The following KLHL1 variants were observed in gnomAD, a reference collection of about 807,000 sequenced individuals.
KLHL1 encodes the protein kelch like family member 1, also known as kelch-like protein 1.
A neutral mutation model predicts 77.7 loss-of-function variants in KLHL1; 47 were observed. The observed-to-expected ratio is 0.60, with a 90% CI of 0.48 to 0.77. KLHL1 has a LOEUF of 0.77. KLHL1 is among the 30% of genes least tolerant of loss of function. The pLI is 0.00. For synonymous variants in KLHL1, 360 were observed against 325.2 expected, an observed-to-expected ratio of 1.11 and a Z score of -1.15; for missense variants, 925 against 910.8, an observed-to-expected ratio of 1.02 and a Z score of -0.20.
intron 4 of KLHL1, among the ~76,000 whole-genome samples, chr13:69,934,731 C>T (rs1014795948): frequency 3.3e-5 from 5 of 150,672 alleles, no homozygotes; most frequent in Non-Finnish European, 7.4e-5. Flanking sequence ...ATCCCATCTA[C>T]CTTGAATTTC....
intron 5 of KLHL1, among the ~76,000 whole-genome samples, chr13:69,871,578 T>G (rs1475873442): frequency 6.6e-6 from 1 of 152,160 alleles, no homozygotes; most frequent in African/African-American, 2.4e-5. Flanking sequence ...ATTCCTTGGC[T>G]GCTGATATGA....
At chr13:69,786,497 G>A (rs2138017080) in intron 7 of KLHL1, among the ~76,000 whole-genome samples, 1 of 152,152 alleles carries the variant, frequency 6.6e-6, no homozygotes, top group African/African-American at 2.4e-5. Context: ...GGTATTGATG[G>A]GACATATCTC....
chr13:69,751,421 A>T (rs1224187640), intron 7 of KLHL1, among the ~76,000 whole-genome samples: 1 of 152,040 alleles, frequency 6.6e-6, no homozygotes, highest in Non-Finnish European at 1.5e-5. Context: ...TGTCCATGTG[A>T]CAAAAAAAAT....
rs141412100 is a variant in KLHL1, at chr13:69,765,773, A to C, written c.1640-25217T>G. ...ATGGATAGAATTGAAGCAACCACCC[A>C]GGCAATGCTACCCTCCGATCTGTTG... On this transcript the variant is annotated intron_variant, in intron 7 of 10. Coordinates refer to ENST00000377844, the MANE Select transcript of KLHL1 (RefSeq NM_020866.3). Among the ~76,000 whole-genome samples the C allele has an allele frequency of 6.3e-4, 96 of 152,324 alleles. No individual in the cohort carries two copies. The East Asian group carries it at 0.017, about 28-fold the overall frequency.
chr13:69,722,908 G>A (rs1873131619), intron 8 of KLHL1, among the ~76,000 whole-genome samples: 2 of 151,804 alleles, frequency 1.3e-5, no homozygotes, highest in Admixed American at 6.6e-5. Context: ...GCCAAAATAC[G>A]GAATCAACTA....
chr13:69,975,682 C>T lies in KLHL1; in HGVS notation c.618G>A (p.Leu206=), dbSNP rs1199381982. The change falls in exon 2 of 11, where the codon TTG becomes TTA. Residue 206 remains leucine, a synonymous_variant. Transcript: ENST00000377844. ...EQTFRKMESY[L]KQQQLCDVIL... is the part of the protein sequence containing the mutation. ...TAACATCACAAAGTTGCTGCTGCTT[C>T]AAATAACTTTCCATCTTTCTGAAGG... The T allele has an allele frequency of 6.2e-7, 1 of 1,613,558 alleles. No homozygotes were observed. The highest frequency in any genetic ancestry group is 1.3e-5 in the African/African-American group (1 of 74,874).
intron 1 of KLHL1, among the ~76,000 whole-genome samples, chr13:70,080,667 G>T (rs973995581): frequency 6.6e-6 from 1 of 152,052 alleles, no homozygotes; most frequent in Non-Finnish European, 1.5e-5. Flanking sequence ...CGTGATCTTG[G>T]CTCACGGCAA....
chr13:69,786,528 T>C (rs1220908313), intron 7 of KLHL1, among the ~76,000 whole-genome samples: 1 of 152,132 alleles, frequency 6.6e-6, no homozygotes, highest in African/African-American at 2.4e-5. Context: ...GGGCTATCTA[T>C]GACAAACCCA....
intron 3 of KLHL1, among the ~76,000 whole-genome samples, chr13:69,940,792 CAAAAAAAA>C (rs374717086): frequency 1.5e-5 from 1 of 67,704 alleles, no homozygotes; most frequent in African/African-American, 5.4e-5. Context: ...ATCTTAAAGG[CAAAAAAAA>C]AAAAAAAAAA....
Position 69,735,119 on chromosome 13 carries a change from T to C in KLHL1, c.1802+5275A>G, listed in dbSNP as rs192176176. ...TAGAGTATTTATGCAAATTACCACA[T>C]AAACAGATCAAATAAGAAAACAATC... On this transcript the variant is annotated intron_variant, in intron 8 of 10. Transcript: ENST00000377844. 1.2e-4 allele frequency among the ~76,000 whole-genome samples: 18 copies of C among 151,934 alleles called. 1 individual carries two copies. The highest frequency in any genetic ancestry group is 2.5e-4 in the Non-Finnish European group (17 of 67,918).
chr13:69,734,256 C>G (rs985041963), intron 8 of KLHL1, among the ~76,000 whole-genome samples: 2 of 152,098 alleles, frequency 1.3e-5, no homozygotes, highest in African/African-American at 4.8e-5. Flanking sequence ...TGTGCCTGCT[C>G]CCCCCTGGCC....
rs144014302 is a variant in KLHL1 at position 70,060,604 on chromosome 13, G to A, written c.497+46599C>T. Among the ~76,000 whole-genome samples the A allele has an allele frequency of 2.6e-3, 401 of 152,204 alleles. 2 individuals carry two copies. Among genetic ancestry groups the A allele is most frequent in the African/African-American group, 8.8e-3 (366 of 41,532 alleles). ...CATGCCTGTAATCCAAGCACTTTGG[G>A]AGGCTGAGGCGCGTGGATCACTTGA... On this transcript the variant is annotated intron_variant, in intron 1 of 10. Transcript: ENST00000377844.
At chr13:69,936,587 C>T (rs899914510) in intron 4 of KLHL1, among the ~76,000 whole-genome samples, 14 of 102,758 alleles carry the variant, frequency 1.4e-4, no homozygotes, top group Admixed American at 8.0e-4. Context: ...AACGAGACTC[C>T]ATCTCAAAAA....
At chr13:69,988,332 T>C (rs1204100995) in intron 1 of KLHL1, among the ~76,000 whole-genome samples, 1 of 152,140 alleles carries the variant, frequency 6.6e-6, no homozygotes, top group East Asian at 1.9e-4. Context: ...AAATGGTGTA[T>C]ATGTACCACA....
At chr13:70,066,915 C>T (rs17086324) in intron 1 of KLHL1, among the ~76,000 whole-genome samples, 324 of 152,220 alleles carry the variant, frequency 2.1e-3, no homozygotes, top group African/African-American at 7.3e-3. Context: ...TAGACATATT[C>T]GCTTATTCAT....
At chr13:69,743,136 T>TATG (rs1874054104) in intron 7 of KLHL1, among the ~76,000 whole-genome samples, 1 of 152,210 alleles carries the variant, frequency 6.6e-6, no homozygotes, top group Non-Finnish European at 1.5e-5. Flanking sequence ...TTCTGGAGAA[T>TATG]ATGATATCTA....
chr13:69,882,301 C>T lies in KLHL1; in HGVS notation c.1209G>A (p.Leu403=). The part of the protein sequence containing the change: ...DLSMLLAFIR[L]PLLPPQILAD... ...TCATTACCTGTGGTGGAAGCAGTGG[C>T]AGTCTTATAAAGGCAAGAAGCATGC... The change falls in exon 5 of 11, where the codon CTG becomes CTA. Residue 403 remains leucine (L), a synonymous_variant. Coordinates refer to ENST00000377844, the MANE Select transcript of KLHL1 (RefSeq NM_020866.3). 6.2e-7 allele frequency: 1 copy of T among 1,612,508 alleles called. No homozygotes were observed. The highest frequency in any genetic ancestry group is 8.5e-7 in the Non-Finnish European group (1 of 1,178,600).
intron 4 of KLHL1, among the ~76,000 whole-genome samples, chr13:69,916,532 T>C (rs1033704103): frequency 4.0e-5 from 6 of 151,298 alleles, no homozygotes; most frequent in Admixed American, 4.0e-4. Context: ...TAGGTGGGAA[T>C]TGAACAATGA....
Position 70,074,138 on chromosome 13 carries a change from C to T in KLHL1, c.497+33065G>A, listed in dbSNP as rs531039692. Among the ~76,000 whole-genome samples, 37 of 152,058 alleles carry T rather than the reference C, an allele frequency of 2.4e-4. No individual in the cohort carries two copies. The East Asian group carries it at 2.5e-3, about 10-fold the overall frequency. On this transcript the variant is annotated intron_variant, in intron 1 of 10. Transcript: ENST00000377844. ...CACCTTGCCCGGCACCTTAAGCCTC[C>T]GCACCCGGCCCATAAAAATTTTGAT...
Sources: gnomAD v4.1 joint callset for allele counts (sites outside exome capture counted in the v4.1 genomes callset) on GRCh38, gnomAD v4.1.1 for gene constraint, MANE v1.5 for transcripts, NCBI Gene and HGNC (gene_info 2026-07-23, HGNC 2026-07-21) for gene names.